Variants in ZNFX1 observed in about 807,000 individuals in gnomAD.
ZNFX1 encodes the protein NFX1-type zinc finger-containing protein 1.
A neutral mutation model predicts 179.8 loss-of-function variants in ZNFX1; 78 were observed. The observed-to-expected ratio is 0.43, with a 90% confidence interval of 0.36 to 0.52. The LOEUF (loss-of-function observed/expected upper bound fraction) is 0.52. Among genes scored for constraint, ZNFX1 ranks in the 20% least tolerant of loss-of-function variants. The pLI is 0.00. For synonymous variants in ZNFX1, 848 were observed against 868.5 expected (o/e 0.98, Z 0.42); for missense variants, 1,927 against 2,386.6 (o/e 0.81, Z 4.01).
intron 9 of ZNFX1, 68 bp from the exon 10 acceptor site, chr20:49,254,717 A>C: frequency 6.5e-7 from 1 of 1,542,870 alleles, no homozygotes; most frequent in South Asian, 1.1e-5. Context: ...AACGCCCTTC[A>C]GTGTGCCCAG....
At position 49,248,580 on chromosome 20, in the gene ZNFX1, C is replaced by T; in HGVS notation, c.4444G>A (p.Glu1482Lys). Residue 1482 changes from glutamate (E) to lysine (K), a missense_variant, in exon 14 of 14, where the codon GAG becomes AAG. Physicochemically the swap from Glu to Lys is moderately conservative, Grantham distance 56. Coordinates refer to ENST00000396105, the MANE Select transcript of ZNFX1 (RefSeq NM_021035.3). The surrounding 1 kb of genome is among the most constrained non-coding windows in gnomAD (Gnocchi z 4.6). ...SHKCQEPCIG[E>K]CPPCQRTCQN... ...CAGGTCCGCTGGCAGGGTGGGCACT[C>T]ACCAATGCATGGTTCCTGGCACTTG... 6.2e-7 allele frequency: 1 copy of T among 1,614,188 alleles called. No individual in the cohort carries two copies. Among genetic ancestry groups the T allele is most frequent in the Non-Finnish European group, 8.5e-7 (1 of 1,180,036 alleles).
At position 49,245,932 on chromosome 20, in the gene ZNFX1, AAGC is replaced by A. The variant is rs1294169216; in HGVS notation, c.*1332_*1334del. On this transcript the variant is annotated 3_prime_UTR_variant, in exon 14 of 14. Transcript: ENST00000396105. ...AATCATTGTTTTTAATTGGCTTTAT[AAGC>A]TAAAGTGCATAGTAAAGACAAAAAA... is the stretch of plus-strand genomic sequence containing the variant. 6.6e-6 allele frequency: 1 copy of A among 152,606 alleles called. No homozygotes were observed. Among genetic ancestry groups the A allele is most frequent in the African/African-American group, 2.4e-5 (1 of 41,442 alleles). The allele number at this position is 152,606 out of a possible 1,614,324, so 9.5% of individuals were successfully genotyped here.
In ZNFX1 at chr20:49,247,765, T is replaced by C. The variant is rs759742814; in HGVS notation, c.5259A>G (p.Leu1753=). The C allele has an allele frequency of 1.2e-6, 2 of 1,614,212 alleles. No homozygotes were observed. Among genetic ancestry groups the C allele is most frequent in the East Asian group, 4.5e-5 (2 of 44,890 alleles). ...KKRLSFTSQE[L]SDLRSEIQRL... The stretch of plus-strand genomic sequence containing the variant: ...TCTGGATTTCACTTCGGAGGTCACT[T>C]AGTTCCTGGCTAGTGAAGCTCAAGC... The change falls in exon 14 of 14, where the codon CTA becomes CTG. Residue 1753 remains leucine, a synonymous_variant. Coordinates refer to ENST00000396105, the MANE Select transcript of ZNFX1 (RefSeq NM_021035.3).
At position 49,248,802 on chromosome 20, in the gene ZNFX1, A is replaced by C. The variant is rs775876707; in HGVS notation, c.4222T>G (p.Cys1408Gly). The change falls in exon 14 of 14, where the codon TGT (cysteine) becomes GGT (glycine). Residue 1408 changes from cysteine (C) to glycine (G), a missense_variant. Cys to Gly is a radical substitution (Grantham distance 159, BLOSUM62 -3). Transcript: ENST00000396105. The surrounding 1 kb of genome is among the most constrained non-coding windows in gnomAD (Gnocchi z 4.6). Reference sequence around the variant, plus strand: ...CATTTTACCGGTTGACTGTGCCCACACTTGAGTTTTATGGTGACCATTTCT... The same window carrying C: ...CATTTTACCGGTTGACTGTGCCCACCCTTGAGTTTTATGGTGACCATTTCT... The part of the protein sequence containing the change: ...CSEMVTIKLK[C>G]GHSQPVKCGH... 6.2e-7 allele frequency: 1 copy of C among 1,613,398 alleles called. No individual in the cohort carries two copies. The highest frequency in any genetic ancestry group is 8.5e-7 in the Non-Finnish European group (1 of 1,179,326).
rs1490302204 is a variant in ZNFX1 at position 49,253,757 on chromosome 20, A to G, written c.3014T>C (p.Val1005Ala). The G allele has an allele frequency of 6.2e-7, 1 of 1,614,064 alleles. No homozygotes were observed. The highest frequency in any genetic ancestry group is 1.3e-5 in the African/African-American group (1 of 74,928). Residue 1005 changes from valine (V) to alanine (A), a missense_variant, in exon 11 of 14, where the codon GTG becomes GCG. Val to Ala is a moderately conservative substitution (Grantham distance 64, BLOSUM62 0). Coordinates refer to ENST00000396105, the MANE Select transcript of ZNFX1 (RefSeq NM_021035.3). ...CTCAAGGACTTCCGCAGCTTCTTCC[A>G]CTATGACAATCCTCGGCTCCACCTT... Reference protein sequence around the residue: ...LQKVEPRIVIVEEAAEVLEAH... With the variant: ...LQKVEPRIVIAEEAAEVLEAH...
At position 49,257,563 on chromosome 20, in the gene ZNFX1, C is replaced by T; in HGVS notation, c.2518G>A (p.Glu840Lys). 1 of 1,614,022 alleles carries T rather than the reference C, an allele frequency of 6.2e-7. No homozygotes were observed. Among genetic ancestry groups the T allele is most frequent in the Non-Finnish European group, 8.5e-7 (1 of 1,180,026 alleles). ...DLIQADRVIE[E>K]EEVVRPQRRK... Reference sequence around the variant, plus strand: ...CGCTGGGGCCTCACCACCTCTTCCTCCTCAATCACCCGGTCTGCTTGAATC... The same window carrying T: ...CGCTGGGGCCTCACCACCTCTTCCTTCTCAATCACCCGGTCTGCTTGAATC... Residue 840 changes from glutamate (E) to lysine (K), a missense_variant, in exon 8 of 14, where the codon GAG becomes AAG. Transcript: ENST00000396105.
At position 49,247,489 on chromosome 20, in the gene ZNFX1, G is replaced by C; in HGVS notation, c.5535C>G (p.His1845Gln). The change falls in exon 14 of 14, where the codon CAC becomes CAG. Residue 1845 changes from histidine to glutamine, a missense_variant. By Grantham distance (24) the His-to-Gln change is conservative. Transcript: ENST00000396105. ...TATGGCCATTGCGGCACTTGAACCA[G>C]TGACCACGAGGATAACCTATGGCAC... Reference protein sequence around the residue: ...IVSAIGYPRGHWFKCRNGHIY... With the variant: ...IVSAIGYPRGQWFKCRNGHIY... 6.2e-7 allele frequency: 1 copy of C among 1,614,158 alleles called. No individual in the cohort carries two copies. Among genetic ancestry groups the C allele is most frequent in the Non-Finnish European group, 8.5e-7 (1 of 1,180,040 alleles).
rs754392788 is a variant in ZNFX1 at position 49,249,278 on chromosome 20, G to A, written c.3746C>T (p.Thr1249Ile). Residue 1249 changes from threonine to isoleucine, a missense_variant, in exon 14 of 14, where the codon ACA becomes ATA. By Grantham distance (89) the Thr-to-Ile change is moderately conservative. Transcript: ENST00000396105. The stretch of plus-strand genomic sequence containing the variant: ...GCCTATTTGATTGTTCTCTCGAAGT[G>A]TATGAATGATCTTGCTCCACAGGGG... The part of the protein sequence containing the change: ...KVPLWSKIIH[T>I]LRENNQIGPM... 7 of 1,614,114 alleles carry A rather than the reference G, an allele frequency of 4.3e-6. No individual in the cohort carries two copies. In the Admixed American group the frequency reaches 1.0e-4, roughly 23 times the overall value.
In ZNFX1 at chr20:49,278,044, T is replaced by G. The variant is rs910706553; in HGVS notation, c.-72A>C. On this transcript the variant is annotated 5_prime_UTR_variant, in exon 1 of 14. Transcript: ENST00000396105. ...ACCCGGCTCCGGCGCGTCCTTTCAC[T>G]GCCGCCGGCGAGTGCTGGGGCTTCG... is the stretch of plus-strand genomic sequence containing the variant. 5 of 152,348 alleles carry G rather than the reference T, an allele frequency of 3.3e-5. No homozygotes were observed. The highest frequency in any genetic ancestry group is 7.3e-5 in the Non-Finnish European group (5 of 68,126). The allele number at this position is 152,348 out of a possible 1,614,324, so 9.4% of individuals were successfully genotyped here. A position where few individuals can be genotyped will look rare whatever the true frequency, so the allele number is the denominator to read the frequency against.
At chr20:49,250,664 G>A (rs890037507) in intron 13 of ZNFX1, among the ~76,000 whole-genome samples, 1 of 151,976 alleles carries the variant, frequency 6.6e-6, no homozygotes, top group South Asian at 2.1e-4. Flanking sequence ...CGATCCTCTC[G>A]CCTCAGCCTC....
rs754763034 is a variant in ZNFX1, at chr20:49,270,977, C to T, written c.835G>A (p.Ala279Thr). 1 of 1,614,102 alleles carries T rather than the reference C, an allele frequency of 6.2e-7. No homozygotes were observed. The highest frequency in any genetic ancestry group is 2.2e-5 in the East Asian group (1 of 44,882). Residue 279 changes from alanine (A) to threonine (T), a missense_variant, in exon 3 of 14, where the codon GCT becomes ACT. Physicochemically the swap from Ala to Thr is moderately conservative, Grantham distance 58. Transcript: ENST00000396105. The surrounding 1 kb of genome is among the most constrained non-coding windows in gnomAD (Gnocchi z 4.6). Reference sequence around the variant, plus strand: ...ATGTCAACACCAGAGGCTCTCAGAGCATTAAGAGAGGTTGGCAGGAGGGAA... The same window carrying T: ...ATGTCAACACCAGAGGCTCTCAGAGTATTAAGAGAGGTTGGCAGGAGGGAA... ...LVSLLPTSLN[A>T]LRASGVDIEE...
chr20:49,249,666 G>C lies in ZNFX1; in HGVS notation c.3358C>G (p.Gln1120Glu). Reference sequence around the variant, plus strand: ...TGGCTTTTGCCCTCTTGGATTTCCTGTTCAGGAAAGTTGTGTTCTACAAAG... The same window carrying C: ...TGGCTTTTGCCCTCTTGGATTTCCTCTTCAGGAAAGTTGTGTTCTACAAAG... Reference protein sequence around the residue: ...LFFVEHNFPEQEIQEGKSHQN... With the variant: ...LFFVEHNFPEEEIQEGKSHQN... Residue 1120 changes from glutamine (Q) to glutamate (E), a missense_variant, in exon 14 of 14, where the codon CAG becomes GAG. Transcript: ENST00000396105. The C allele has an allele frequency of 6.2e-7, 1 of 1,614,020 alleles. No homozygotes were observed. Among genetic ancestry groups the C allele is most frequent in the Non-Finnish European group, 8.5e-7 (1 of 1,179,904 alleles).
intron 2 of ZNFX1, among the ~76,000 whole-genome samples, chr20:49,273,503 T>G (rs899889893): frequency 2.6e-5 from 4 of 152,218 alleles, no homozygotes; most frequent in African/African-American, 9.6e-5. Flanking sequence ...CTCTAAATTT[T>G]TATAATTGTT....
chr20:49,269,833 A>G, intron 3 of ZNFX1, 109 bp downstream of exon 3: 2 of 1,367,262 alleles, frequency 1.5e-6, no homozygotes, highest in Non-Finnish European at 2.0e-6. Context: ...TAAAAGTTGG[A>G]AAATAAAATA....
Position 49,257,460 on chromosome 20 carries a change from G to T in ZNFX1, c.2621C>A (p.Thr874Asn), listed in dbSNP as rs200894514. The T allele has an allele frequency of 1.2e-6, 2 of 1,614,064 alleles. No individual in the cohort carries two copies. The highest frequency in any genetic ancestry group is 1.7e-6 in the Non-Finnish European group (2 of 1,180,024). The change falls in exon 8 of 14, where the codon ACT (threonine) becomes AAT (asparagine). Residue 874 changes from threonine (T) to asparagine (N), a missense_variant. Thr to Asn is a moderately conservative substitution (Grantham distance 65). Coordinates refer to ENST00000396105, the MANE Select transcript of ZNFX1 (RefSeq NM_021035.3). The stretch of plus-strand genomic sequence containing the variant: ...TTGCTCCTGTCCAGCTGCTGTCCCA[G>T]TGCCACAATGGTCTAGCCTCATGGC... ...LLAMRLDHCGTGTAAGQEQAT... is the reference protein window; with the variant it reads ...LLAMRLDHCGNGTAAGQEQAT...
At chr20:49,275,170 CATTG>C (rs1289551634) in intron 2 of ZNFX1, among the ~76,000 whole-genome samples, 1 of 152,018 alleles carries the variant, frequency 6.6e-6, no homozygotes, top group African/African-American at 2.4e-5. Flanking sequence ...TCTTGGCTTA[CATTG>C]TTTCTATTGG....
Position 49,263,340 on chromosome 20 carries a change from T to G in ZNFX1, c.2295A>C (p.Pro765=). The G allele has an allele frequency of 6.2e-7, 1 of 1,613,276 alleles. No individual in the cohort carries two copies. The highest frequency in any genetic ancestry group is 8.5e-7 in the Non-Finnish European group (1 of 1,180,014). The change falls in exon 6 of 14, where the codon CCA becomes CCC. Residue 765 remains proline, a synonymous_variant. Transcript: ENST00000396105. ...CCCCCAGGATGACCCCTACCTGCACTGGTCCATTCATGAGACTTTCCCAGT... is the reference window on the plus strand; with the variant it reads ...CCCCCAGGATGACCCCTACCTGCACGGGTCCATTCATGAGACTTTCCCAGT... ...PQHWESLMNG[P]VQDSEWICFQ... is the part of the protein sequence containing the mutation.
chr20:49,273,619 G>A (rs372437813), intron 2 of ZNFX1, among the ~76,000 whole-genome samples: 3 of 152,088 alleles, frequency 2.0e-5, no homozygotes, highest in South Asian at 4.2e-4. Flanking sequence ...ATGGAAAATC[G>A]TATCATTTCT....
intron 5 of ZNFX1, among the ~76,000 whole-genome samples, chr20:49,263,984 G>A (rs1378128902): frequency 6.6e-6 from 1 of 152,180 alleles, no homozygotes; most frequent in African/African-American, 2.4e-5. Flanking sequence ...AGCACTTTGG[G>A]AGGCCGAGGC....
Sources: gnomAD v4.1 joint callset for allele counts (sites outside exome capture counted in the v4.1 genomes callset) on GRCh38, gnomAD v4.1.1 for gene constraint, Gnocchi (gnomAD v3.1) non-coding constraint, MANE v1.5 for transcripts, NCBI Gene and HGNC (gene_info 2026-07-23, HGNC 2026-07-21) for gene names.